Variants in COL5A1 observed in about 807,000 individuals in gnomAD.
The protein encoded by COL5A1 is collagen type V alpha 1 chain.
Under a neutral mutation model 263.7 loss-of-function variants are expected in COL5A1, and 16 were observed. That is an observed-to-expected ratio of 0.06 (90% CI 0.04 to 0.09). COL5A1 has a LOEUF of 0.09. Ranked by LOEUF, COL5A1 falls within the 10% of genes least tolerant of loss-of-function variation. COL5A1 has a pLI of 1.00. For missense variants in COL5A1, 2,036 were observed against 2,540.5 expected (o/e 0.80, Z 4.27); for synonymous variants, 1,012 against 1,004.5 (o/e 1.01, Z -0.14).
chr9:134,677,042 A>T lies in COL5A1; in HGVS notation c.110-13870A>T, dbSNP rs1412932428. On this transcript the variant is annotated intron_variant, in intron 1 of 65. Transcript: ENST00000371817. This position sits in a 1 kb window ranked among gnomAD's most constrained non-coding sequence, Gnocchi z 4.4. ...CCTGCTGCCAGTCCTGGGCTTGGGG[A>T]GGCCATGGAGTGCTCTGGTTGTGGT... Among the ~76,000 whole-genome samples the T allele has an allele frequency of 6.6e-6, 1 of 152,070 alleles. No individual in the cohort carries two copies. Among genetic ancestry groups the T allele is most frequent in the Admixed American group, 6.5e-5 (1 of 15,276 alleles).
At chr9:134,786,374 T>G (rs1022802441) in intron 31 of COL5A1, among the ~76,000 whole-genome samples, 1 of 152,216 alleles carries the variant, frequency 6.6e-6, no homozygotes, top group African/African-American at 2.4e-5. Context: ...GTTCACTGCC[T>G]TCTGCATTAA....
chr9:134,807,900 A>G (rs1203742077), intron 42 of COL5A1, among the ~76,000 whole-genome samples: 5 of 152,206 alleles, frequency 3.3e-5, no homozygotes, highest in African/African-American at 9.6e-5. Flanking sequence ...ATATTTGAGC[A>G]GAAACCTTGC....
rs779064113 is a variant in COL5A1, at chr9:134,811,335, G to A, written c.3529-4G>A. On this transcript the variant is annotated splice_region_variant and splice_polypyrimidine_tract_variant and intron_variant, in intron 44 of 65. Coordinates refer to ENST00000371817, the MANE Select transcript of COL5A1 (RefSeq NM_000093.5). ...TACCTATGTCTCTGTCTTGTTCCCCGCAGGGTCCTCCTGGGCCTACAGGTC... is the reference window on the plus strand; with the variant it reads ...TACCTATGTCTCTGTCTTGTTCCCCACAGGGTCCTCCTGGGCCTACAGGTC... 20 of 1,613,654 alleles carry A rather than the reference G, an allele frequency of 1.2e-5. No homozygotes were observed. Among genetic ancestry groups the A allele is most frequent in the Admixed American group, 8.3e-5 (5 of 59,994 alleles).
intron 26 of COL5A1, among the ~76,000 whole-genome samples, chr9:134,774,043 G>A (rs903683346): frequency 1.3e-5 from 2 of 152,256 alleles, no homozygotes; most frequent in Non-Finnish European, 1.5e-5. Context: ...CCCGGAACTG[G>A]TGCTGACAGG....
intron 1 of COL5A1, among the ~76,000 whole-genome samples, chr9:134,685,500 CCATCCAT>C (rs1377956639): frequency 4.8e-4 from 56 of 116,050 alleles, no homozygotes; most frequent in East Asian, 1.3e-3. Flanking sequence ...ATCCATCCAT[CCATCCAT>C]CACCATCCAT....
chr9:134,762,018 C>G (rs778140895), intron 19 of COL5A1, 40 bp downstream of exon 19: 9 of 1,601,884 alleles, frequency 5.6e-6, no homozygotes, highest in Admixed American at 1.7e-5. Flanking sequence ...CCTGCCTGCC[C>G]TACTCCTCAG....
chr9:134,817,965 A>G, intron 54 of COL5A1, 134 bp downstream of exon 54: 3 of 898,474 alleles, frequency 3.3e-6, no homozygotes, highest in Admixed American at 2.0e-5. Flanking sequence ...CACCTGGCTC[A>G]TGGCCTACCT....
chr9:134,772,289 C>T (rs1441599280), intron 25 of COL5A1, among the ~76,000 whole-genome samples: 1 of 152,256 alleles, frequency 6.6e-6, no homozygotes, highest in Non-Finnish European at 1.5e-5. Flanking sequence ...TTGCAGACAG[C>T]TCAGCAATTG....
At chr9:134,658,900 G>C (rs1371053430) in intron 1 of COL5A1, among the ~76,000 whole-genome samples, 2 of 152,236 alleles carry the variant, frequency 1.3e-5, no homozygotes, top group East Asian at 3.8e-4. Flanking sequence ...ATACGAGGGA[G>C]GGGTTCGCTG....
intron 65 of COL5A1, among the ~76,000 whole-genome samples, chr9:134,838,588 C>T (rs1564189908): frequency 1.3e-5 from 2 of 152,162 alleles, no homozygotes; most frequent in Admixed American, 1.3e-4. Context: ...CTCACTCTCT[C>T]GCCCCCTTCC....
intron 1 of COL5A1, among the ~76,000 whole-genome samples, chr9:134,687,358 C>G (rs190592686): frequency 2.6e-5 from 4 of 152,296 alleles, no homozygotes; most frequent in Admixed American, 2.6e-4. Context: ...CTAGAGGAGA[C>G]AGGGCTGGAG....
rs1056443851 is a variant in COL5A1 at position 134,816,111 on chromosome 9, A to G, written c.4122+123A>G. 4 of 878,734 alleles carry G rather than the reference A, an allele frequency of 4.6e-6. No homozygotes were observed. The African/African-American group carries it at 4.9e-5, about 11-fold the overall frequency. The allele number at this position is 878,734 out of a possible 1,614,324, so 54.4% of individuals were successfully genotyped here. A position where few individuals can be genotyped will look rare whatever the true frequency, so the allele number is the denominator to read the frequency against. Reference sequence around the variant, plus strand: ...TAGTTGATATTGATTCCTTTATGATATCGATTCCCTTATGATATTGATTCC... The same window carrying G: ...TAGTTGATATTGATTCCTTTATGATGTCGATTCCCTTATGATATTGATTCC... On this transcript the variant is annotated intron_variant, in intron 52 of 65. Coordinates refer to ENST00000371817, the MANE Select transcript of COL5A1 (RefSeq NM_000093.5).
At chr9:134,797,019 T>C in intron 36 of COL5A1, 118 bp downstream of exon 36, 1 of 1,111,812 alleles carries the variant, frequency 9.0e-7, no homozygotes, top group African/African-American at 1.5e-5. Flanking sequence ...CAGTGGCCGG[T>C]GGGTGGAGGG....
intron 18 of COL5A1, among the ~76,000 whole-genome samples, chr9:134,759,575 CACACCCCCACACATGCAT>C: frequency 7.0e-6 from 1 of 142,924 alleles, no homozygotes; most frequent in African/African-American, 2.7e-5. Context: ...GCACACACCA[CACACCCCCACACATGCAT>C]ACACCCCCAC....
rs1163485706 is a variant in COL5A1 at position 134,808,617 on chromosome 9, GT to G, written c.3367-562del. Among the ~76,000 whole-genome samples, 3 of 152,096 alleles carry G rather than the reference GT, an allele frequency of 2.0e-5. No individual in the cohort carries two copies. In the East Asian group the frequency reaches 5.8e-4, roughly 29 times the overall value. ...CACGTGTGCACATGCGAGTATGCTT[GT>G]TTTGTGCACATGCATGTGCATGCAT... On this transcript the variant is annotated intron_variant, in intron 42 of 65. Transcript: ENST00000371817.
At position 134,842,033 on chromosome 9, in the gene COL5A1, C is replaced by G; in HGVS notation, c.5371-124C>G. 1 of 1,107,230 alleles carries G rather than the reference C, an allele frequency of 9.0e-7. No individual in the cohort carries two copies. Among genetic ancestry groups the G allele is most frequent in the Non-Finnish European group, 1.4e-6 (1 of 737,846 alleles). The allele number at this position is 1,107,230 out of a possible 1,614,324, so 68.6% of individuals were successfully genotyped here. A position where few individuals can be genotyped will look rare whatever the true frequency, so the allele number is the denominator to read the frequency against. On this transcript the variant is annotated intron_variant, in intron 65 of 65. Coordinates refer to ENST00000371817, the MANE Select transcript of COL5A1 (RefSeq NM_000093.5). This position sits in a 1 kb window ranked among gnomAD's most constrained non-coding sequence, Gnocchi z 5.8. The stretch of plus-strand genomic sequence containing the variant: ...CCAACACTTGCCCGGGCAAGCGCAG[C>G]CCTGGGTAGGAGACAGGACACCAGC...
intron 7 of COL5A1, 53 bp from the exon 8 acceptor site, chr9:134,731,443 G>A: frequency 1.3e-6 from 2 of 1,588,050 alleles, no homozygotes; most frequent in Admixed American, 1.7e-5. Flanking sequence ...TGATGGAGAG[G>A]CAGTGCCTGG....
At chr9:134,687,474 T>TC (rs1564388067) in intron 1 of COL5A1, among the ~76,000 whole-genome samples, 34 of 150,664 alleles carry the variant, frequency 2.3e-4, no homozygotes, top group African/African-American at 7.6e-4. Flanking sequence ...ATCCATCCAT[T>TC]CATCCATCCA....
At chr9:134,705,370 C>T (rs754209726) in intron 4 of COL5A1, among the ~76,000 whole-genome samples, 90 of 152,240 alleles carry the variant, frequency 5.9e-4, no homozygotes, top group Admixed American at 3.4e-3. Context: ...CAGCCCCCTG[C>T]GCCTGCAGAC....
Sources: gnomAD v4.1 joint callset for allele counts (sites outside exome capture counted in the v4.1 genomes callset) on GRCh38, gnomAD v4.1.1 for gene constraint, Gnocchi (gnomAD v3.1) non-coding constraint, MANE v1.5 for transcripts, NCBI Gene and HGNC (gene_info 2026-07-23, HGNC 2026-07-21) for gene names.